Variants in FSTL5 observed in about 807,000 individuals in gnomAD.
FSTL5 encodes the protein follistatin like 5.
FSTL5 carries 62 observed loss-of-function variants against 89.1 expected under a neutral mutation model. The observed-to-expected ratio is 0.70, with a 90% CI of 0.57 to 0.86. The LOEUF (loss-of-function observed/expected upper bound fraction) is 0.86, where lower values mean the gene tolerates loss of function less well. Among genes scored for constraint, FSTL5 ranks in the 40% least tolerant of loss-of-function variants. FSTL5 has a pLI of 0.00. For synonymous variants in FSTL5, 383 were observed against 346.2 expected, an observed-to-expected ratio of 1.11 and a Z score of -1.18; for missense variants, 1,057 against 1,001.6, an observed-to-expected ratio of 1.06 and a Z score of -0.75.
At chr4:161,967,696 T>C (rs192773345) in intron 3 of FSTL5, among the ~76,000 whole-genome samples, 1 of 152,114 alleles carries the variant, frequency 6.6e-6, no homozygotes, top group Non-Finnish European at 1.5e-5. Flanking sequence ...TGATAGTTTC[T>C]GTAGAATAAA....
intron 15 of FSTL5, among the ~76,000 whole-genome samples, chr4:161,449,537 C>A (rs930454527): frequency 6.6e-6 from 1 of 152,050 alleles, no homozygotes; most frequent in Non-Finnish European, 1.5e-5. Flanking sequence ...CAGGCCTAGC[C>A]CTGGAGTGGC....
At chr4:161,702,012 A>T (rs923553838) in intron 6 of FSTL5, among the ~76,000 whole-genome samples, 9 of 152,108 alleles carry the variant, frequency 5.9e-5, no homozygotes, top group African/African-American at 2.2e-4. Flanking sequence ...TTATGTACTT[A>T]TTTAGTACAC....
Position 161,888,019 on chromosome 4 carries a change from T to C in FSTL5, c.409+32385A>G, listed in dbSNP as rs1468258807. ...GAAGTTGTCAGTGCTGTTCTCATGT[T>C]AGTGAGTGAGTTCTCATGAGATCTG... On this transcript the variant is annotated intron_variant, in intron 4 of 15. Coordinates refer to ENST00000306100, the MANE Select transcript of FSTL5 (RefSeq NM_020116.5). 5.9e-5 allele frequency among the ~76,000 whole-genome samples: 9 copies of C among 152,124 alleles called. No individual in the cohort carries two copies. The East Asian group carries it at 1.7e-3, about 29-fold the overall frequency.
chr4:161,473,341 A>C (rs1473464798), intron 13 of FSTL5, among the ~76,000 whole-genome samples: 1 of 151,816 alleles, frequency 6.6e-6, no homozygotes, highest in Non-Finnish European at 1.5e-5. Flanking sequence ...AACTATATGA[A>C]TGTTTATAAT....
intron 2 of FSTL5, among the ~76,000 whole-genome samples, chr4:162,055,667 A>G (rs1164958832): frequency 6.6e-6 from 1 of 151,878 alleles, no homozygotes; most frequent in Non-Finnish European, 1.5e-5. Flanking sequence ...TGGAAGTGTG[A>G]TGACTAAGAA....
intron 1 of FSTL5, among the ~76,000 whole-genome samples, chr4:162,119,556 C>A (rs537998684): frequency 6.6e-5 from 10 of 152,222 alleles, no homozygotes; most frequent in Admixed American, 2.6e-4. Flanking sequence ...AAAAATTATA[C>A]CCATTTATGG....
intron 3 of FSTL5, among the ~76,000 whole-genome samples, chr4:161,960,653 T>C (rs1225233743): frequency 6.6e-6 from 1 of 152,090 alleles, no homozygotes; most frequent in Non-Finnish European, 1.5e-5. Context: ...TTCATTATTG[T>C]TTTACAATAA....
At chr4:161,710,423 A>G (rs1738739128) in intron 6 of FSTL5, among the ~76,000 whole-genome samples, 1 of 152,208 alleles carries the variant, frequency 6.6e-6, no homozygotes, top group South Asian at 2.1e-4. Context: ...GCTTTCTACA[A>G]GGCAGGTCAG....
intron 2 of FSTL5, among the ~76,000 whole-genome samples, chr4:162,050,818 T>A (rs1359662339): frequency 6.6e-6 from 1 of 151,306 alleles, no homozygotes; most frequent in African/African-American, 2.4e-5. Flanking sequence ...ATATAAATGT[T>A]AATGAAGTTA....
chr4:161,565,060 C>T (rs185297751), intron 8 of FSTL5, among the ~76,000 whole-genome samples: 257 of 151,996 alleles, frequency 1.7e-3, no homozygotes, highest in Admixed American at 2.6e-3. Flanking sequence ...GAACCTTCTA[C>T]TTATCCTCTG....
intron 4 of FSTL5, among the ~76,000 whole-genome samples, chr4:161,811,623 ACT>A: frequency 6.6e-6 from 1 of 152,276 alleles, no homozygotes; most frequent in South Asian, 2.1e-4. Flanking sequence ...CCAAAAGCCT[ACT>A]TGTTGATTAT....
At chr4:161,493,986 T>C (rs1175088733) in intron 12 of FSTL5, among the ~76,000 whole-genome samples, 1 of 152,194 alleles carries the variant, frequency 6.6e-6, no homozygotes, top group Non-Finnish European at 1.5e-5. Flanking sequence ...AAACACGAAG[T>C]GAGAATTATA....
At chr4:161,640,811 C>A (rs1735931560) in intron 7 of FSTL5, among the ~76,000 whole-genome samples, 1 of 152,184 alleles carries the variant, frequency 6.6e-6, no homozygotes, top group South Asian at 2.1e-4. Context: ...AGAGTCTCCA[C>A]AAACTCCAAG....
At chr4:162,130,617 C>G (rs2314976) in intron 1 of FSTL5, among the ~76,000 whole-genome samples, 77,508 of 151,990 alleles carry the variant, frequency 0.51, 20,290 homozygotes, top group Admixed American at 0.58. Flanking sequence ...ATGTCAAGCC[C>G]CACAGAGTAA....
At chr4:162,037,504 C>T (rs540986986) in intron 2 of FSTL5, among the ~76,000 whole-genome samples, 2 of 151,824 alleles carry the variant, frequency 1.3e-5, no homozygotes, top group African/African-American at 2.4e-5. Context: ...TGAGTTTTGT[C>T]GTCATAAATT....
Position 161,656,450 on chromosome 4 carries a change from T to A in FSTL5, c.772A>T (p.Thr258Ser). The A allele has an allele frequency of 6.2e-7, 1 of 1,605,422 alleles. No homozygotes were observed. Among genetic ancestry groups the A allele is most frequent in the East Asian group, 2.2e-5 (1 of 44,506 alleles). Reference sequence around the variant, plus strand: ...GCACTTTGTCCCACAGTTGCTGCAGTGATGCTTAGTTTCTGATCTTCTGGC... The same window carrying A: ...GCACTTTGTCCCACAGTTGCTGCAGAGATGCTTAGTTTCTGATCTTCTGGC... The part of the protein sequence containing the change: ...SLPEDQKLSI[T>S]AATVGQSAVL... The change falls in exon 7 of 16, where the codon ACT (threonine) becomes TCT (serine). Residue 258 changes from threonine to serine, a missense_variant. Coordinates refer to ENST00000306100, the MANE Select transcript of FSTL5 (RefSeq NM_020116.5).
At chr4:161,668,743 C>G (rs1403559599) in intron 6 of FSTL5, among the ~76,000 whole-genome samples, 1 of 152,002 alleles carries the variant, frequency 6.6e-6, no homozygotes, top group Non-Finnish European at 1.5e-5. Flanking sequence ...CTCATCACAT[C>G]AACAAGATAA....
chr4:161,894,096 G>A (rs1236944891), intron 4 of FSTL5, among the ~76,000 whole-genome samples: 1 of 152,140 alleles, frequency 6.6e-6, no homozygotes, highest in Non-Finnish European at 1.5e-5. Context: ...AATTTTAAAT[G>A]TAATGAGTAT....
intron 6 of FSTL5, among the ~76,000 whole-genome samples, chr4:161,693,629 T>C (rs1180256048): frequency 1.4e-5 from 2 of 143,452 alleles, no homozygotes; most frequent in Non-Finnish European, 3.0e-5. Flanking sequence ...AGTATTTTCT[T>C]GTAAATCTTT....
Sources: gnomAD v4.1 joint callset for allele counts (sites outside exome capture counted in the v4.1 genomes callset) on GRCh38, gnomAD v4.1.1 for gene constraint, MANE v1.5 for transcripts, NCBI Gene and HGNC (gene_info 2026-07-23, HGNC 2026-07-21) for gene names.